TMEM200A: variants seen among roughly 807,000 people sequenced by gnomAD.
TMEM200A encodes transmembrane protein 200A.
TMEM200A carries 12 observed loss-of-function variants against 24.3 expected under a neutral mutation model. That is an observed-to-expected ratio of 0.49 (90% CI 0.32 to 0.80). The LOEUF (loss-of-function observed/expected upper bound fraction) is 0.80. TMEM200A is among the 30% of genes least tolerant of loss of function. The probability of loss-of-function intolerance (pLI) is 0.04; values close to 1 mark genes in which losing one functional copy is unlikely to be tolerated. For missense variants in TMEM200A, 545 were observed against 614.4 expected, an observed-to-expected ratio of 0.89 and a Z score of 1.19; for synonymous variants, 224 against 224.4, an observed-to-expected ratio of 1.00 and a Z score of 0.02.
chr6:130,441,875 G>A lies in TMEM200A; in HGVS notation c.1453G>A (p.Gly485Arg). ...DEFLSNNLKR[G>R]TSETRF ...GTTTTTGAGTAACAACCTAAAGAGG[G>A]GAACTTCTGAAACAAGGTTTTAATG... Residue 485 changes from glycine to arginine, a missense_variant, in exon 3 of 3, where the codon GGA (glycine) becomes AGA (arginine). By Grantham distance (125) the Gly-to-Arg change is moderately radical (BLOSUM62 -2). Coordinates refer to ENST00000296978, the MANE Select transcript of TMEM200A (RefSeq NM_001258277.2). 6.2e-7 allele frequency: 1 copy of A among 1,601,948 alleles called. No homozygotes were observed. The highest frequency in any genetic ancestry group is 8.5e-7 in the Non-Finnish European group (1 of 1,175,286).
chr6:130,428,040 C>T (rs943713569), intron 2 of TMEM200A, among the ~76,000 whole-genome samples: 1 of 152,144 alleles, frequency 6.6e-6, no homozygotes, highest in African/African-American at 2.4e-5. Context: ...TTTTTACAAA[C>T]ATGGTTTTAT....
At chr6:130,407,062 C>T (rs1248907773) in intron 2 of TMEM200A, among the ~76,000 whole-genome samples, 1 of 152,078 alleles carries the variant, frequency 6.6e-6, no homozygotes, top group Non-Finnish European at 1.5e-5. Flanking sequence ...CTTTTATTTT[C>T]ATACGGGGAG....
At chr6:130,415,026 G>A (rs73771832) in intron 2 of TMEM200A, among the ~76,000 whole-genome samples, 3,851 of 152,238 alleles carry the variant, frequency 0.025, 166 homozygotes, top group African/African-American at 0.087. Context: ...TTCATAGGAC[G>A]TCAAGTATTT....
At chr6:130,433,303 A>G (rs1231294564) in intron 2 of TMEM200A, among the ~76,000 whole-genome samples, 1 of 151,762 alleles carries the variant, frequency 6.6e-6, no homozygotes, top group African/African-American at 2.4e-5. Flanking sequence ...TGCCCAACTA[A>G]TTTTTTGTAT....
intron 2 of TMEM200A, among the ~76,000 whole-genome samples, chr6:130,418,239 C>G (rs1335929740): frequency 6.6e-6 from 1 of 152,172 alleles, no homozygotes; most frequent in Non-Finnish European, 1.5e-5. Context: ...ATAATCAAAA[C>G]ACACCAAAAC....
At chr6:130,425,941 A>C (rs1047145890) in intron 2 of TMEM200A, among the ~76,000 whole-genome samples, 2 of 152,074 alleles carry the variant, frequency 1.3e-5, no homozygotes, top group African/African-American at 4.8e-5. Flanking sequence ...AGAAATGTAA[A>C]CAAATGCTAA....
chr6:130,375,331 TTTAC>T (rs60102516), intron 1 of TMEM200A, among the ~76,000 whole-genome samples: 2,715 of 152,318 alleles, frequency 0.018, 72 homozygotes, highest in African/African-American at 0.058. Context: ...TATACATTTA[TTTAC>T]TTACTTATAA....
At chr6:130,402,715 T>C (rs186348382) in intron 2 of TMEM200A, among the ~76,000 whole-genome samples, 44 of 152,276 alleles carry the variant, frequency 2.9e-4, no homozygotes, top group African/African-American at 9.6e-4. Context: ...GGAATTTCTA[T>C]AAATCCTTGG....
rs1583237840 is a variant in TMEM200A, at chr6:130,440,482, C to G, written c.60C>G (p.Ala20=). ...CCGCCTTGAAAAGGCAAGACTCTGCCAGATCACAGCAGCATGTCAACCTCA... is the reference window on the plus strand; with the variant it reads ...CCGCCTTGAAAAGGCAAGACTCTGCGAGATCACAGCAGCATGTCAACCTCA... The part of the protein sequence containing the change: ...GLAALKRQDS[A]RSQQHVNLSP... Residue 20 remains alanine (A), a synonymous_variant, in exon 3 of 3, where the codon GCC becomes GCG. Coordinates refer to ENST00000296978, the MANE Select transcript of TMEM200A (RefSeq NM_001258277.2). The G allele has an allele frequency of 6.2e-7, 1 of 1,612,614 alleles. No individual in the cohort carries two copies. Among genetic ancestry groups the G allele is most frequent in the Non-Finnish European group, 8.5e-7 (1 of 1,179,330 alleles).
At chr6:130,387,158 AG>A (rs1379989604) in intron 2 of TMEM200A, among the ~76,000 whole-genome samples, 3 of 152,236 alleles carry the variant, frequency 2.0e-5, no homozygotes, top group African/African-American at 7.2e-5. Context: ...CTAAGAGGAA[AG>A]GATGTTTTTT....
At chr6:130,410,792 C>T (rs1779312187) in intron 2 of TMEM200A, among the ~76,000 whole-genome samples, 2 of 152,178 alleles carry the variant, frequency 1.3e-5, no homozygotes, top group Admixed American at 1.3e-4. Context: ...AATAAGTTGT[C>T]AGTGTTATCA....
intron 2 of TMEM200A, among the ~76,000 whole-genome samples, chr6:130,396,922 C>G (rs1004927960): frequency 6.6e-6 from 1 of 152,148 alleles, no homozygotes; most frequent in Non-Finnish European, 1.5e-5. Context: ...GGATGTTGTG[C>G]AGCCTTCACC....
At chr6:130,388,159 A>C (rs1778754330) in intron 2 of TMEM200A, among the ~76,000 whole-genome samples, 3 of 152,224 alleles carry the variant, frequency 2.0e-5, no homozygotes, top group African/African-American at 7.2e-5. Context: ...ACCAAAAAGA[A>C]GGAAGTGAAG....
At chr6:130,414,755 T>C (rs923382272) in intron 2 of TMEM200A, among the ~76,000 whole-genome samples, 1 of 152,186 alleles carries the variant, frequency 6.6e-6, no homozygotes, top group African/African-American at 2.4e-5. Context: ...CCACCTTCAT[T>C]CAATAAATGT....
At chr6:130,365,711 G>T (rs1032412539), upstream of TMEM200A, 103 of 985,402 alleles carry the variant, frequency 1.0e-4, no homozygotes, top group East Asian at 2.3e-4. Flanking sequence ...CGGGAAGAGC[G>T]CCTGCAAGCG....
chr6:130,397,467 G>A (rs4897420), intron 2 of TMEM200A, among the ~76,000 whole-genome samples: 17,339 of 151,936 alleles, frequency 0.11, 1,326 homozygotes, highest in East Asian at 0.35. Flanking sequence ...TGTTCATTTT[G>A]CCATGATGTA....
Position 130,441,003 on chromosome 6 carries a change from T to C in TMEM200A, c.581T>C (p.Val194Ala), listed in dbSNP as rs746944218. 2.5e-6 allele frequency: 4 copies of C among 1,613,968 alleles called. No individual in the cohort carries two copies. In the South Asian group the frequency reaches 3.3e-5, roughly 13 times the overall value. The change falls in exon 3 of 3, where the codon GTA becomes GCA. Residue 194 changes from valine (V) to alanine (A), a missense_variant. Transcript: ENST00000296978. Reference protein sequence around the residue: ...MYTGLMGETEVKQNGSSCASR... With the variant: ...MYTGLMGETEAKQNGSSCASR... ...ACTGGTTTGATGGGAGAAACAGAAGTAAAACAGAATGGGAGCTCCTGTGCC... is the reference window on the plus strand; with the variant it reads ...ACTGGTTTGATGGGAGAAACAGAAGCAAAACAGAATGGGAGCTCCTGTGCC...
intron 2 of TMEM200A, among the ~76,000 whole-genome samples, chr6:130,386,951 A>G (rs566390222): frequency 1.3e-5 from 2 of 152,296 alleles, no homozygotes; most frequent in South Asian, 4.1e-4. Context: ...TAAACCTGAA[A>G]CCGTCCAGTT....
At chr6:130,436,355 T>G (rs118177297) in intron 2 of TMEM200A, among the ~76,000 whole-genome samples, 2,772 of 152,138 alleles carry the variant, frequency 0.018, 23 homozygotes, top group Non-Finnish European at 0.027. Flanking sequence ...AGAGTATGGC[T>G]TGTTACAGTG....
Sources: allele counts gnomAD v4.1 joint callset (sites outside exome capture counted in the v4.1 genomes callset), GRCh38; gene constraint gnomAD v4.1.1; transcripts MANE v1.5; gene names NCBI Gene and HGNC (gene_info 2026-07-23, HGNC 2026-07-21).